Variants in MYRFL observed in about 807,000 individuals in gnomAD.
MYRFL encodes myelin regulatory factor like.
In MYRFL, 88 loss-of-function variants were observed where a neutral mutation model predicts 109.4. The ratio of observed to expected loss-of-function variants is 0.80; its 90% confidence interval spans 0.68 to 0.96. The LOEUF is 0.96. Ranked by LOEUF, MYRFL falls within the 40% of genes least tolerant of loss-of-function variation. MYRFL has a pLI of 0.00. For missense variants in MYRFL, 957 were observed against 954.9 expected (o/e 1.00, Z -0.03); for synonymous variants, 324 against 320.9 (o/e 1.01, Z -0.10).
intron 19 of MYRFL, among the ~76,000 whole-genome samples, chr12:69,937,493 G>C (rs1296793671): frequency 6.6e-6 from 1 of 152,150 alleles, no homozygotes; most frequent in Non-Finnish European, 1.5e-5. Flanking sequence ...GTCATTTAAA[G>C]TCCAGCTGAT....
At chr12:69,849,929 G>T (rs1284858095) in intron 1 of MYRFL, among the ~76,000 whole-genome samples, 1 of 152,114 alleles carries the variant, frequency 6.6e-6, no homozygotes, top group East Asian at 1.9e-4. Flanking sequence ...TGGATGGATG[G>T]GTGATGTGGT....
intron 21 of MYRFL, among the ~76,000 whole-genome samples, chr12:69,953,529 G>T (rs1956028407): frequency 6.6e-6 from 1 of 152,160 alleles, no homozygotes; most frequent in Non-Finnish European, 1.5e-5. Context: ...ACTTTGGGAG[G>T]CTGAGGCAGA....
intron 21 of MYRFL, 82 bp from the exon 22 acceptor site, chr12:69,955,281 G>A (rs1956067221): frequency 2.1e-6 from 1 of 481,878 alleles, no homozygotes; most frequent in Admixed American, 3.9e-5. Flanking sequence ...CAGTTTTTAT[G>A]GTATATAATG....
intron 10 of MYRFL, among the ~76,000 whole-genome samples, chr12:69,901,846 C>T (rs1404225461): frequency 6.6e-6 from 1 of 151,920 alleles, no homozygotes; most frequent in Non-Finnish European, 1.5e-5. Flanking sequence ...CCCCCACTCC[C>T]CACTACCCTC....
chr12:69,870,930 T>A (rs1464460536), intron 2 of MYRFL, among the ~76,000 whole-genome samples: 1 of 152,338 alleles, frequency 6.6e-6, no homozygotes, highest in African/African-American at 2.4e-5. Flanking sequence ...ATATTTTTTT[T>A]AGTAGATTGA....
At chr12:69,933,163 G>A (rs887651210) in intron 16 of MYRFL, among the ~76,000 whole-genome samples, 1 of 152,152 alleles carries the variant, frequency 6.6e-6, no homozygotes, top group East Asian at 1.9e-4. Flanking sequence ...AGCAGTATTT[G>A]CTATGCAAAT....
intron 1 of MYRFL, among the ~76,000 whole-genome samples, chr12:69,850,588 C>T (rs541800032): frequency 6.5e-4 from 99 of 152,188 alleles, no homozygotes; most frequent in Middle Eastern, 3.4e-3. Context: ...GTAGTAAAGA[C>T]GAATTCTGAG....
intron 10 of MYRFL, among the ~76,000 whole-genome samples, chr12:69,901,883 G>GTTTTT (rs1274815385): frequency 2.7e-5 from 2 of 75,336 alleles, no homozygotes. Flanking sequence ...TTTCACTGCT[G>GTTTTT]TTTTTTTTTG....
intron 1 of MYRFL, among the ~76,000 whole-genome samples, chr12:69,838,791 T>C (rs1464175031): frequency 3.9e-5 from 6 of 152,202 alleles, no homozygotes; most frequent in African/African-American, 1.4e-4. Context: ...TTAATTTATA[T>C]TTCAAATCAC....
At position 69,942,932 on chromosome 12, in the gene MYRFL, A is replaced by G. The variant is rs543713680; in HGVS notation, c.2224+6300A>G. On this transcript the variant is annotated intron_variant, in intron 19 of 24. Transcript: ENST00000552032. ...AATCATGAGTGAACTCCCATTCACAATTGCTTCAAAGAGAATAAAATACCT... is the reference window on the plus strand; with the variant it reads ...AATCATGAGTGAACTCCCATTCACAGTTGCTTCAAAGAGAATAAAATACCT... 2.9e-3 allele frequency among the ~76,000 whole-genome samples: 444 copies of G among 152,236 alleles called. 3 individuals are homozygous for G. Among genetic ancestry groups the G allele is most frequent in the African/African-American group, 0.01 (420 of 41,494 alleles).
intron 5 of MYRFL, among the ~76,000 whole-genome samples, chr12:69,883,168 C>T (rs769946730): frequency 6.6e-6 from 1 of 152,182 alleles, no homozygotes; most frequent in Non-Finnish European, 1.5e-5. Context: ...TTGAATCTCA[C>T]CTCTTCCACT....
chr12:69,939,935 G>A (rs1955591081), intron 19 of MYRFL, among the ~76,000 whole-genome samples: 1 of 152,186 alleles, frequency 6.6e-6, no homozygotes, highest in South Asian at 2.1e-4. Flanking sequence ...CTGGAAGAAA[G>A]GGTATCAGCA....
Position 69,942,936 on chromosome 12 carries a change from C to A in MYRFL, c.2224+6304C>A, listed in dbSNP as rs555411159. On this transcript the variant is annotated intron_variant, in intron 19 of 24. Coordinates refer to ENST00000552032, the MANE Select transcript of MYRFL (RefSeq NM_182530.3). ...ATGAGTGAACTCCCATTCACAATTG[C>A]TTCAAAGAGAATAAAATACCTAGGA... 8.2e-4 allele frequency among the ~76,000 whole-genome samples: 125 copies of A among 152,130 alleles called. 1 individual carries two copies. The highest frequency in any genetic ancestry group is 2.8e-3 in the African/African-American group (117 of 41,466).
chr12:69,829,612 G>A (rs1482593935), intron 1 of MYRFL, among the ~76,000 whole-genome samples: 1 of 152,122 alleles, frequency 6.6e-6, no homozygotes, highest in Non-Finnish European at 1.5e-5. Flanking sequence ...CATTCAACAA[G>A]CAGATATTGA....
intron 1 of MYRFL, among the ~76,000 whole-genome samples, chr12:69,850,839 TC>T (rs924010776): frequency 6.6e-6 from 1 of 152,182 alleles, no homozygotes; most frequent in African/African-American, 2.4e-5. Context: ...TGTGATTCAT[TC>T]TTGATTGGCT....
At chr12:69,891,606 T>TTTCCTCCTTC (rs1566002002) in intron 7 of MYRFL, among the ~76,000 whole-genome samples, 62 of 31,072 alleles carry the variant, frequency 2.0e-3, no homozygotes, top group Non-Finnish European at 2.5e-3. Flanking sequence ...TCTTTCTTTC[T>TTTCCTCCTTC]CTTTCTTTCT....
intron 19 of MYRFL, chr12:69,946,478 C>T (rs977130799): frequency 2.0e-5 from 3 of 151,944 alleles, no homozygotes; most frequent in African/African-American, 4.8e-5. Flanking sequence ...TTTTTGGCCC[C>T]GAGAATCCAC....
chr12:69,932,387 T>C lies in MYRFL; in HGVS notation c.1831-126T>C, dbSNP rs1955298112. ...GCAGGGAGGAGGAAAGAGATGTAAA[T>C]TGAGGCAAGCACTCAAACTATCCCA... On this transcript the variant is annotated intron_variant, in intron 15 of 24. Transcript: ENST00000552032. 3.2e-5 allele frequency: 20 copies of C among 615,642 alleles called. No homozygotes were observed. The South Asian group carries it at 3.5e-4, about 11-fold the overall frequency. 38.1% of individuals were successfully genotyped at this position (615,642 alleles called of 1,614,324 possible).
In MYRFL at chr12:69,958,302, C is replaced by A; in HGVS notation, c.2625C>A (p.Phe875Leu). The A allele has an allele frequency of 6.5e-7, 1 of 1,536,484 alleles. No homozygotes were observed. The highest frequency in any genetic ancestry group is 2.0e-5 in the Admixed American group (1 of 51,000). The change falls in exon 24 of 25, where the codon TTC becomes TTA. Residue 875 changes from phenylalanine (F) to leucine (L), a missense_variant. By Grantham distance (22) the Phe-to-Leu change is conservative. Coordinates refer to ENST00000552032, the MANE Select transcript of MYRFL (RefSeq NM_182530.3). ...TAGCCCCATTTTCTGACAGCATGTT[C>A]CATTTCCGTGTAGCTGCACCGGTAA... ...LPVAPFSDSM[F>L]HFRVAAPDLA...
Sources: gnomAD v4.1 joint callset for allele counts (sites outside exome capture counted in the v4.1 genomes callset) on GRCh38, gnomAD v4.1.1 for gene constraint, MANE v1.5 for transcripts, NCBI Gene and HGNC (gene_info 2026-07-23, HGNC 2026-07-21) for gene names.